The following GRM2 variants were observed in gnomAD, a reference collection of about 807,000 sequenced individuals.
GRM2 encodes metabotropic glutamate receptor 2.
A neutral mutation model predicts 60.4 loss-of-function variants in GRM2; 35 were observed. The ratio of observed to expected loss-of-function variants is 0.58; its 90% CI spans 0.44 to 0.77. GRM2 has a LOEUF of 0.77. GRM2 is among the 30% of genes least tolerant of loss of function. GRM2 has a pLI of 0.00. For synonymous variants in GRM2, 437 were observed against 484.1 expected, an observed-to-expected ratio of 0.90 and a Z score of 1.28; for missense variants, 925 against 1,199.5, an observed-to-expected ratio of 0.77 and a Z score of 3.38.
At position 51,716,035 on chromosome 3, in the gene GRM2, A is replaced by T. The variant is rs1353742972; in HGVS notation, c.2262A>T (p.Glu754Asp). 2 of 1,614,100 alleles carry T rather than the reference A, an allele frequency of 1.2e-6. No homozygotes were observed. The highest frequency in any genetic ancestry group is 1.7e-6 in the Non-Finnish European group (2 of 1,180,048). The change falls in exon 4 of 6, where the codon GAA (glutamate) becomes GAT (aspartate). Residue 754 changes from glutamate (E) to aspartate (D), a missense_variant. Glu to Asp is a conservative substitution (Grantham distance 45). Coordinates refer to ENST00000395052, the MANE Select transcript of GRM2 (RefSeq NM_000839.5). The surrounding 1 kb of genome is among the most constrained non-coding windows in gnomAD (Gnocchi z 4.0). ...CCTTCAAGACTCGCAAGTGCCCCGA[A>T]AACTTCAACGAGGCCAAGTTCATTG... ...LYAFKTRKCPENFNEAKFIGF... is the reference protein window; with the variant it reads ...LYAFKTRKCPDNFNEAKFIGF...
Position 51,713,533 on chromosome 3 carries a change from C to A in GRM2, c.1288+223C>A, listed in dbSNP as rs1024081906. 7.5e-6 allele frequency: 4 copies of A among 530,790 alleles called. No homozygotes were observed. The highest frequency in any genetic ancestry group is 5.7e-5 in the African/African-American group (3 of 52,776). 32.9% of individuals were successfully genotyped at this position (530,790 alleles called of 1,614,324 possible). A position where few individuals can be genotyped will look rare whatever the true frequency, so the allele number is the denominator to read the frequency against. ...CCAGAGAGTAGACCTCTGGCCTGGT[C>A]CCGCCATTTTGAGGGTCTCTGGCTC... is the stretch of plus-strand genomic sequence containing the variant. On this transcript the variant is annotated intron_variant, in intron 3 of 5. Coordinates refer to ENST00000395052, the MANE Select transcript of GRM2 (RefSeq NM_000839.5). The surrounding 1 kb of genome is among the most constrained non-coding windows in gnomAD (Gnocchi z 4.8).
intron 3 of GRM2, chr3:51,714,780 G>A: frequency 2.9e-6 from 1 of 346,280 alleles, no homozygotes; most frequent in South Asian, 9.7e-5. Context: ...GGGGATTGAT[G>A]TGGGCATTAG....
chr3:51,718,363 CAGAG>C lies in GRM2; in HGVS notation c.*254_*257del. On this transcript the variant is annotated 3_prime_UTR_variant, in exon 6 of 6. Transcript: ENST00000395052. The surrounding 1 kb of genome is among the most constrained non-coding windows in gnomAD (Gnocchi z 4.2). ...TTTCCTCCTGGCCAGGCCCAGGGCTCAGAGAGGAGCAAGCCAGGGTTCACTCTGC... is the reference window on the plus strand; with the variant it reads ...TTTCCTCCTGGCCAGGCCCAGGGCTCAGGAGCAAGCCAGGGTTCACTCTGC... 1.9e-6 allele frequency: 1 copy of C among 528,220 alleles called. No homozygotes were observed. Among genetic ancestry groups the C allele is most frequent in the Non-Finnish European group, 3.4e-6 (1 of 292,388 alleles). The allele number at this position is 528,220 out of a possible 1,614,324, so 32.7% of individuals were successfully genotyped here.
intron 2 of GRM2, among the ~76,000 whole-genome samples, chr3:51,709,931 C>T (rs1403972331): frequency 6.7e-6 from 1 of 149,230 alleles, no homozygotes. Context: ...GACCATGGCA[C>T]GTTATTTCTC....
chr3:51,711,016 C>A lies in GRM2; in HGVS notation c.451-1457C>A, dbSNP rs188821608. ...CATTGCCGAGATGGAGAGGGCCAGGCCCCCTGTCCTAGAACAGTTGTTCAG... is the reference window on the plus strand; with the variant it reads ...CATTGCCGAGATGGAGAGGGCCAGGACCCCTGTCCTAGAACAGTTGTTCAG... On this transcript the variant is annotated intron_variant, in intron 2 of 5. Transcript: ENST00000395052. Among the ~76,000 whole-genome samples the A allele has an allele frequency of 3.5e-3, 533 of 152,330 alleles. 3 individuals are homozygous for A. The highest frequency in any genetic ancestry group is 0.012 in the African/African-American group (500 of 41,558).
In GRM2 at chr3:51,713,989, A is replaced by G. The variant is rs1250937072; in HGVS notation, c.1288+679A>G. ...GTGACCTGAAAGTCTCCTGAAATCAAAAGTTATTTTAATAAGAGTGCCAGC... is the reference window on the plus strand; with the variant it reads ...GTGACCTGAAAGTCTCCTGAAATCAGAAGTTATTTTAATAAGAGTGCCAGC... On this transcript the variant is annotated intron_variant, in intron 3 of 5. Coordinates refer to ENST00000395052, the MANE Select transcript of GRM2 (RefSeq NM_000839.5). This position sits in a 1 kb window ranked among gnomAD's most constrained non-coding sequence, Gnocchi z 4.8. 4.4e-6 allele frequency: 2 copies of G among 454,448 alleles called. No homozygotes were observed. Among genetic ancestry groups the G allele is most frequent in the Non-Finnish European group, 8.8e-6 (2 of 226,078 alleles). The allele number at this position is 454,448 out of a possible 1,614,324, so 28.2% of individuals were successfully genotyped here.
intron 3 of GRM2, chr3:51,714,781 T>A: frequency 2.9e-6 from 1 of 347,252 alleles, no homozygotes; most frequent in Non-Finnish European, 5.2e-6. Flanking sequence ...GGGATTGATG[T>A]GGGCATTAGG....
intron 2 of GRM2, among the ~76,000 whole-genome samples, chr3:51,710,910 G>A (rs1281385793): frequency 3.3e-5 from 5 of 152,248 alleles, no homozygotes; most frequent in South Asian, 4.1e-4. Flanking sequence ...TGGAAGATGC[G>A]GCTGGAGCTA....
In GRM2 at chr3:51,709,437, C is replaced by T. The variant is rs773667363; in HGVS notation, c.450+4C>T. The stretch of plus-strand genomic sequence containing the variant: ...CTACAGTGATGTCTCCATCCAGGTA[C>T]GTGGAAGCCACCCAAATGGGGGCTA... On this transcript the variant is annotated splice_donor_region_variant and intron_variant, in intron 2 of 5. Coordinates refer to ENST00000395052, the MANE Select transcript of GRM2 (RefSeq NM_000839.5). 2 of 1,516,806 alleles carry T rather than the reference C, an allele frequency of 1.3e-6. No homozygotes were observed. Among genetic ancestry groups the T allele is most frequent in the East Asian group, 4.7e-5 (2 of 42,542 alleles). The allele number at this position is 1,516,806 out of a possible 1,614,324, so 94.0% of individuals were successfully genotyped here. A position where few individuals can be genotyped will look rare whatever the true frequency, so the allele number is the denominator to read the frequency against.
chr3:51,714,143 T>C (rs1242679525), intron 3 of GRM2: 5 of 329,798 alleles, frequency 1.5e-5, no homozygotes, highest in Non-Finnish European at 3.0e-5. Flanking sequence ...AGAACTGACA[T>C]TCAGAGTTAG....
In GRM2 at chr3:51,712,911, T is replaced by G; in HGVS notation, c.889T>G (p.Trp297Gly). The change falls in exon 3 of 6, where the codon TGG becomes GGG. Residue 297 changes from tryptophan to glycine, a missense_variant. Coordinates refer to ENST00000395052, the MANE Select transcript of GRM2 (RefSeq NM_000839.5). This position sits in a 1 kb window ranked among gnomAD's most constrained non-coding sequence, Gnocchi z 5.3. ...CTTCACCTGGGTGGCCAGTGATGGTTGGGGGGCCCTGGAGAGTGTGGTGGC... is the reference window on the plus strand; with the variant it reads ...CTTCACCTGGGTGGCCAGTGATGGTGGGGGGGCCCTGGAGAGTGTGGTGGC... ...ASFTWVASDG[W>G]GALESVVAGS... 1.2e-6 allele frequency: 2 copies of G among 1,612,984 alleles called. No homozygotes were observed. Among genetic ancestry groups the G allele is most frequent in the Non-Finnish European group, 1.7e-6 (2 of 1,180,012 alleles).
Position 51,708,903 on chromosome 3 carries a change from C to T in GRM2, c.-81C>T, listed in dbSNP as rs770684533. On this transcript the variant is annotated 5_prime_UTR_variant, in exon 2 of 6. Transcript: ENST00000395052. ...TCTGTCCTTTCCTGGTCCCTGTTTCCTCCTCTCTTTGCCTTCGCTGCTTCT... is the reference window on the plus strand; with the variant it reads ...TCTGTCCTTTCCTGGTCCCTGTTTCTTCCTCTCTTTGCCTTCGCTGCTTCT... 3.9e-5 allele frequency: 42 copies of T among 1,069,868 alleles called. No homozygotes were observed. The highest frequency in any genetic ancestry group is 6.6e-5 in the South Asian group (4 of 60,540). 66.3% of individuals were successfully genotyped at this position (1,069,868 alleles called of 1,614,324 possible).
chr3:51,718,005 G>A lies in GRM2; in HGVS notation c.2546-34G>A. On this transcript the variant is annotated intron_variant, in intron 5 of 5. Coordinates refer to ENST00000395052, the MANE Select transcript of GRM2 (RefSeq NM_000839.5). The surrounding 1 kb of genome is among the most constrained non-coding windows in gnomAD (Gnocchi z 4.2). ...TGCCTGCCCTCCATGGAGGACCTCG[G>A]GATTGGCCCCAACCTCTGGCTTCCT... 1 of 1,603,054 alleles carries A rather than the reference G, an allele frequency of 6.2e-7. No homozygotes were observed. The highest frequency in any genetic ancestry group is 8.5e-7 in the Non-Finnish European group (1 of 1,169,864).
intron 3 of GRM2, chr3:51,714,829 T>C (rs1689804862): frequency 9.6e-6 from 4 of 414,686 alleles, no homozygotes; most frequent in Non-Finnish European, 1.7e-5. Context: ...TGGGATTACA[T>C]TTGGCATTTA....
At position 51,716,027 on chromosome 3, in the gene GRM2, T is replaced by A; in HGVS notation, c.2254T>A (p.Cys752Ser). The A allele has an allele frequency of 2.5e-6, 4 of 1,614,238 alleles. No homozygotes were observed. Among genetic ancestry groups the A allele is most frequent in the Non-Finnish European group, 3.4e-6 (4 of 1,180,046 alleles). Residue 752 changes from cysteine (C) to serine (S), a missense_variant, in exon 4 of 6, where the codon TGC becomes AGC. Physicochemically the swap from Cys to Ser is moderately radical, Grantham distance 112. Coordinates refer to ENST00000395052, the MANE Select transcript of GRM2 (RefSeq NM_000839.5). The surrounding 1 kb of genome is among the most constrained non-coding windows in gnomAD (Gnocchi z 4.0). ...GCTTTATGCCTTCAAGACTCGCAAG[T>A]GCCCCGAAAACTTCAACGAGGCCAA... ...CTLYAFKTRK[C>S]PENFNEAKFI...
In GRM2 at chr3:51,717,632, C is replaced by T. The variant is rs768477238; in HGVS notation, c.2365-5C>T. On this transcript the variant is annotated splice_region_variant and splice_polypyrimidine_tract_variant and intron_variant, in intron 4 of 5. Transcript: ENST00000395052. The surrounding 1 kb of genome is among the most constrained non-coding windows in gnomAD (Gnocchi z 6.0). The stretch of plus-strand genomic sequence containing the variant: ...TGTGCTTGTTCACCCACTCACCCAC[C>T]GCAGGTACAGACCACCACCATGTGC... 22 of 1,611,600 alleles carry T rather than the reference C, an allele frequency of 1.4e-5. No individual in the cohort carries two copies. The highest frequency in any genetic ancestry group is 5.0e-5 in the Admixed American group (3 of 59,930).
Position 51,715,125 on chromosome 3 carries a change from G to C in GRM2, c.1352G>C (p.Gly451Ala). The change falls in exon 4 of 6, where the codon GGC (glycine) becomes GCC (alanine). Residue 451 changes from glycine to alanine, a missense_variant. Coordinates refer to ENST00000395052, the MANE Select transcript of GRM2 (RefSeq NM_000839.5). This position sits in a 1 kb window ranked among gnomAD's most constrained non-coding sequence, Gnocchi z 9.0. ...VRFDRFGDGIGRYNIFTYLRA... is the reference protein window; with the variant it reads ...VRFDRFGDGIARYNIFTYLRA... Reference sequence around the variant, plus strand: ...TTTGACCGCTTTGGTGATGGTATTGGCCGCTACAACATCTTCACCTATCTG... The same window carrying C: ...TTTGACCGCTTTGGTGATGGTATTGCCCGCTACAACATCTTCACCTATCTG... 6.2e-7 allele frequency: 1 copy of C among 1,608,178 alleles called. No homozygotes were observed. Among genetic ancestry groups the C allele is most frequent in the Non-Finnish European group, 8.5e-7 (1 of 1,176,710 alleles).
rs377743299 is a variant in GRM2 at position 51,708,987 on chromosome 3, G to A, written c.4G>A (p.Gly2Arg). ...CCCATCCATCCCCTTTGGGGCCATG[G>A]GATCGCTGCTTGCGCTCCTGGCACT... Reference protein sequence around the residue: MGSLLALLALLL... With the variant: MRSLLALLALLL... Residue 2 changes from glycine to arginine, a missense_variant, in exon 2 of 6, where the codon GGA becomes AGA. Coordinates refer to ENST00000395052, the MANE Select transcript of GRM2 (RefSeq NM_000839.5). The A allele has an allele frequency of 6.4e-7, 1 of 1,571,306 alleles. No homozygotes were observed. The highest frequency in any genetic ancestry group is 1.3e-5 in the African/African-American group (1 of 74,262).
rs1703902381 is a variant in GRM2 at position 51,716,489 on chromosome 3, C to T, written c.2364+352C>T. ...GGTTGAGAGATGAAGCCAGGGAAGG[C>T]AGGAAAGATGAAGCAAGGTGGGTAG... On this transcript the variant is annotated intron_variant, in intron 4 of 5. Transcript: ENST00000395052. The surrounding 1 kb of genome is among the most constrained non-coding windows in gnomAD (Gnocchi z 4.0). 6.6e-6 allele frequency among the ~76,000 whole-genome samples: 1 copy of T among 152,090 alleles called. No individual in the cohort carries two copies. The highest frequency in any genetic ancestry group is 2.1e-4 in the South Asian group (1 of 4,830).
Sources: allele counts gnomAD v4.1 joint callset (sites outside exome capture counted in the v4.1 genomes callset), GRCh38; gene constraint gnomAD v4.1.1; non-coding constraint Gnocchi (gnomAD v3.1); transcripts MANE v1.5; gene names NCBI Gene and HGNC (gene_info 2026-07-23, HGNC 2026-07-21).